RANBP17: variants seen among roughly 807,000 people sequenced by gnomAD.
RANBP17 encodes RAN binding protein 17.
In RANBP17, 158 loss-of-function variants were observed where a neutral mutation model predicts 141.2. The ratio of observed to expected loss-of-function variants is 1.12; its 90% CI spans 0.98 to 1.28. The LOEUF is 1.28. RANBP17 is among the 50% of genes most tolerant of loss of function. The pLI is 0.00. For synonymous variants in RANBP17, 430 were observed against 450.0 expected, an observed-to-expected ratio of 0.96 and a Z score of 0.56; for missense variants, 1,438 against 1,290.7, an observed-to-expected ratio of 1.11 and a Z score of -1.75.
At chr5:170,999,801 T>C (rs1779077175) in intron 14 of RANBP17, among the ~76,000 whole-genome samples, 1 of 152,178 alleles carries the variant, frequency 6.6e-6, no homozygotes, top group Non-Finnish European at 1.5e-5. Context: ...TTCAGTGATA[T>C]TAAATACATT....
chr5:170,890,810 A>T (rs1769531653), intron 3 of RANBP17, among the ~76,000 whole-genome samples: 1 of 152,162 alleles, frequency 6.6e-6, no homozygotes, highest in African/African-American at 2.4e-5. Flanking sequence ...TACAAGCTTG[A>T]CTTTACTATT....
At chr5:171,296,753 A>T (rs1768847421) in intron 27 of RANBP17, among the ~76,000 whole-genome samples, 1 of 152,108 alleles carries the variant, frequency 6.6e-6, no homozygotes, top group Non-Finnish European at 1.5e-5. Context: ...TCTCTACTAA[A>T]AACACAAAAA....
chr5:171,291,367 T>C (rs1011957172), intron 25 of RANBP17, among the ~76,000 whole-genome samples: 4 of 152,192 alleles, frequency 2.6e-5, no homozygotes, highest in African/African-American at 4.8e-5. Flanking sequence ...TATTTAGATA[T>C]AGACCTCCAG....
intron 1 of RANBP17, among the ~76,000 whole-genome samples, chr5:170,871,812 G>C (rs1238714970): frequency 6.6e-6 from 1 of 152,144 alleles, no homozygotes; most frequent in East Asian, 1.9e-4. Context: ...CAGGTTTGTC[G>C]AAGATCAGAT....
At chr5:171,056,999 G>A (rs540472571) in intron 14 of RANBP17, among the ~76,000 whole-genome samples, 2 of 152,164 alleles carry the variant, frequency 1.3e-5, no homozygotes, top group African/African-American at 2.4e-5. Flanking sequence ...TTTCACCTTT[G>A]CGTTAGTGCA....
At chr5:171,072,369 A>G (rs78115965) in intron 14 of RANBP17, among the ~76,000 whole-genome samples, 1 of 152,062 alleles carries the variant, frequency 6.6e-6, no homozygotes. Flanking sequence ...GTAAATTTGT[A>G]TTGTTTTAAG....
intron 14 of RANBP17, among the ~76,000 whole-genome samples, chr5:171,122,350 A>G (rs1467188953): frequency 6.6e-6 from 1 of 152,150 alleles, no homozygotes; most frequent in Non-Finnish European, 1.5e-5. Context: ...TTGCCTGTGT[A>G]TTTCAAGGAA....
At chr5:170,935,123 G>A (rs1356267135) in intron 12 of RANBP17, among the ~76,000 whole-genome samples, 3 of 152,096 alleles carry the variant, frequency 2.0e-5, no homozygotes, top group South Asian at 2.1e-4. Flanking sequence ...CATGCATCAC[G>A]TAGTTCTCGT....
intron 18 of RANBP17, among the ~76,000 whole-genome samples, chr5:171,193,170 G>A (rs1197385587): frequency 6.6e-6 from 1 of 152,096 alleles, no homozygotes; most frequent in East Asian, 1.9e-4. Context: ...TTGGACCAGA[G>A]CTTCATTACA....
Position 171,119,932 on chromosome 5 carries a change from G to A in RANBP17, c.1711-50198G>A, listed in dbSNP as rs12189041. On this transcript the variant is annotated intron_variant, in intron 14 of 27. Coordinates refer to ENST00000523189, the MANE Select transcript of RANBP17 (RefSeq NM_022897.5). ...CACATGCCTGTAATCCCAGCTACTC[G>A]GGAGGCTGAGACGGGAATTGCTTGA... Among the ~76,000 whole-genome samples, 1,349 of 151,848 alleles carry A rather than the reference G, an allele frequency of 8.9e-3. 16 individuals carry two copies. Among genetic ancestry groups the A allele is most frequent in the Non-Finnish European group, 0.012 (840 of 67,944 alleles).
intron 21 of RANBP17, among the ~76,000 whole-genome samples, chr5:171,214,095 A>C (rs1297898603): frequency 6.6e-6 from 1 of 152,222 alleles, no homozygotes; most frequent in Non-Finnish European, 1.5e-5. Context: ...AGAAGTTTAG[A>C]GGTCTCTGAG....
At chr5:171,123,203 C>T (rs1756172538) in intron 14 of RANBP17, among the ~76,000 whole-genome samples, 1 of 152,192 alleles carries the variant, frequency 6.6e-6, no homozygotes, top group South Asian at 2.1e-4. Flanking sequence ...AGCTAGCACC[C>T]ATGTGCACCA....
intron 24 of RANBP17, among the ~76,000 whole-genome samples, chr5:171,250,494 C>T (rs1055182944): frequency 1.3e-5 from 2 of 151,912 alleles, no homozygotes; most frequent in Non-Finnish European, 2.9e-5. Flanking sequence ...TCAGTAATAG[C>T]CTTGAACATA....
intron 24 of RANBP17, among the ~76,000 whole-genome samples, chr5:171,264,789 A>G (rs1048910075): frequency 6.6e-6 from 1 of 152,220 alleles, no homozygotes. Flanking sequence ...ACTTGAAACC[A>G]GAACTGTCTG....
At chr5:171,093,527 T>G (rs928480995) in intron 14 of RANBP17, among the ~76,000 whole-genome samples, 1 of 152,230 alleles carries the variant, frequency 6.6e-6, no homozygotes, top group Admixed American at 6.5e-5. Context: ...AGAGGGAAGC[T>G]TCTGGAAAAG....
At chr5:171,042,964 G>T (rs1782347633) in intron 14 of RANBP17, among the ~76,000 whole-genome samples, 1 of 152,144 alleles carries the variant, frequency 6.6e-6, no homozygotes, top group Non-Finnish European at 1.5e-5. Context: ...ATTGTACTTA[G>T]TGGGCACAAA....
chr5:171,157,514 C>T lies in RANBP17; in HGVS notation c.1711-12616C>T, dbSNP rs570056701. Among the ~76,000 whole-genome samples, 7 of 152,312 alleles carry T rather than the reference C, an allele frequency of 4.6e-5. No homozygotes were observed. In the South Asian group the frequency reaches 1.4e-3, roughly 32 times the overall value. ...GACTCTTCAGTGATGAACATTGAAACTTGTCTTTACTTCTTAAAAAGGGCT... is the reference window on the plus strand; with the variant it reads ...GACTCTTCAGTGATGAACATTGAAATTTGTCTTTACTTCTTAAAAAGGGCT... On this transcript the variant is annotated intron_variant, in intron 14 of 27. Transcript: ENST00000523189.
In RANBP17 at chr5:171,084,813, GTTTT is replaced by G. The variant is rs1449134170; in HGVS notation, c.1711-85313_1711-85310del. The stretch of plus-strand genomic sequence containing the variant: ...CGCCCACTTTTTGATGGGGTTGTTT[GTTTT>G]TTTCTTGTAAATTTGTTTGAGTTCA... On this transcript the variant is annotated intron_variant, in intron 14 of 27. Transcript: ENST00000523189. Among the ~76,000 whole-genome samples, 68 of 24,674 alleles carry G rather than the reference GTTTT, an allele frequency of 2.8e-3. 1 individual carries two copies. Among genetic ancestry groups the G allele is most frequent in the African/African-American group, 6.9e-3 (54 of 7,780 alleles). The allele number at this position is 24,674 out of a possible 152,430, so 16.2% of individuals were successfully genotyped here.
intron 27 of RANBP17, among the ~76,000 whole-genome samples, chr5:171,297,544 A>G (rs1768893437): frequency 6.6e-6 from 1 of 152,180 alleles, no homozygotes. Context: ...CAGTTGGGGT[A>G]TGCAGACATA....
Sources: gnomAD v4.1 joint callset for allele counts (sites outside exome capture counted in the v4.1 genomes callset) on GRCh38, gnomAD v4.1.1 for gene constraint, MANE v1.5 for transcripts, NCBI Gene and HGNC (gene_info 2026-07-23, HGNC 2026-07-21) for gene names.